CTNNA3: variants seen among roughly 807,000 people sequenced by gnomAD.
CTNNA3 encodes the protein catenin alpha 3, also known as catenin alpha-3.
A neutral mutation model predicts 95.7 loss-of-function variants in CTNNA3; 76 were observed. The observed-to-expected ratio is 0.79, with a 90% CI of 0.66 to 0.96. The LOEUF (loss-of-function observed/expected upper bound fraction) is 0.96, where lower values mean the gene tolerates loss of function less well. Ranked by LOEUF, CTNNA3 falls within the 40% of genes least tolerant of loss-of-function variation. The pLI, the probability that CTNNA3 is intolerant of heterozygous loss-of-function variation, is 0.00. For synonymous variants in CTNNA3, 431 were observed against 374.4 expected, an observed-to-expected ratio of 1.15 and a Z score of -1.74; for missense variants, 1,191 against 1,089.8, an observed-to-expected ratio of 1.09 and a Z score of -1.31.
chr10:67,727,161 A>G (rs1163224841), intron 1 of CTNNA3, among the ~76,000 whole-genome samples: 1 of 122,984 alleles, frequency 8.1e-6, no homozygotes, highest in Non-Finnish European at 1.6e-5. Flanking sequence ...ATAATTATAT[A>G]TAATATATGA....
intron 1 of CTNNA3, among the ~76,000 whole-genome samples, chr10:67,756,200 G>C (rs1184769795): frequency 1.3e-5 from 2 of 152,058 alleles, no homozygotes; most frequent in South Asian, 2.1e-4. Flanking sequence ...GTTGATTAAC[G>C]GGTACATATT....
At chr10:67,454,729 T>C (rs1159255184) in intron 5 of CTNNA3, among the ~76,000 whole-genome samples, 1 of 152,034 alleles carries the variant, frequency 6.6e-6, no homozygotes, top group Non-Finnish European at 1.5e-5. Context: ...GGAATCAATG[T>C]ATAAGAAAAT....
chr10:66,695,181 G>A (rs1847710851), intron 9 of CTNNA3, among the ~76,000 whole-genome samples: 1 of 152,112 alleles, frequency 6.6e-6, no homozygotes, highest in Non-Finnish European at 1.5e-5. Flanking sequence ...TAAATAGATT[G>A]CTATGTAAAG....
At chr10:67,204,899 A>T (rs1863822115) in intron 6 of CTNNA3, among the ~76,000 whole-genome samples, 1 of 152,318 alleles carries the variant, frequency 6.6e-6, no homozygotes, top group Non-Finnish European at 1.5e-5. Flanking sequence ...GACTGTCCTC[A>T]GAAATGTAAA....
intron 9 of CTNNA3, among the ~76,000 whole-genome samples, chr10:66,628,492 C>T (rs1267373321): frequency 6.6e-6 from 1 of 152,072 alleles, no homozygotes; most frequent in Non-Finnish European, 1.5e-5. Flanking sequence ...TCATTGGAAA[C>T]ATCAAGATTA....
intron 15 of CTNNA3, among the ~76,000 whole-genome samples, chr10:66,042,326 C>A (rs528832025): frequency 4.8e-4 from 73 of 152,146 alleles, no homozygotes; most frequent in African/African-American, 1.7e-3. Flanking sequence ...TGGGGAAGTT[C>A]TTGAAAGCAA....
At chr10:67,539,107 A>C (rs1840578911) in intron 4 of CTNNA3, among the ~76,000 whole-genome samples, 2 of 152,204 alleles carry the variant, frequency 1.3e-5, no homozygotes, top group South Asian at 4.1e-4. Context: ...TTCATTTACA[A>C]ACCAGGATAA....
At chr10:66,534,816 TTAAA>T (rs987150635) in intron 10 of CTNNA3, among the ~76,000 whole-genome samples, 1 of 151,610 alleles carries the variant, frequency 6.6e-6, no homozygotes, top group Non-Finnish European at 1.5e-5. Flanking sequence ...TATATTAAAA[TTAAA>T]TTATTTATTT....
At chr10:67,696,309 A>C (rs1840963462), upstream of CTNNA3, 1 of 152,218 alleles carries the variant, frequency 6.6e-6, no homozygotes, top group African/African-American at 2.4e-5. Flanking sequence ...TACTTTGCCT[A>C]GAGACCTACA....
At chr10:67,237,669 G>A (rs1324897709) in intron 5 of CTNNA3, among the ~76,000 whole-genome samples, 1 of 152,180 alleles carries the variant, frequency 6.6e-6, no homozygotes, top group Non-Finnish European at 1.5e-5. Flanking sequence ...GGCGAGGAAG[G>A]TGCAGGTCAC....
At chr10:67,243,790 A>G (rs1276724555) in intron 5 of CTNNA3, among the ~76,000 whole-genome samples, 1 of 152,158 alleles carries the variant, frequency 6.6e-6, no homozygotes, top group Non-Finnish European at 1.5e-5. Context: ...TCTATCACAC[A>G]CAGACTTCAC....
At chr10:66,949,015 A>C (rs536517641) in intron 7 of CTNNA3, among the ~76,000 whole-genome samples, 1 of 152,084 alleles carries the variant, frequency 6.6e-6, no homozygotes, top group Non-Finnish European at 1.5e-5. Context: ...TGATTAGGAG[A>C]CTCTGGAAAA....
At chr10:66,165,403 A>T (rs1274431286) in intron 13 of CTNNA3, among the ~76,000 whole-genome samples, 1 of 152,046 alleles carries the variant, frequency 6.6e-6, no homozygotes, top group Non-Finnish European at 1.5e-5. Context: ...CATCAATTTT[A>T]CTCTAAGTAA....
At chr10:65,986,746 T>C (rs1021635265) in intron 16 of CTNNA3, among the ~76,000 whole-genome samples, 1 of 150,960 alleles carries the variant, frequency 6.6e-6, no homozygotes, top group Non-Finnish European at 1.5e-5. Context: ...AGACCCTGAA[T>C]AGCCAAAGCA....
chr10:67,758,323 TACACACACACACAC>T (rs3059974), intron 1 of CTNNA3, among the ~76,000 whole-genome samples: 1 of 143,318 alleles, frequency 7.0e-6, no homozygotes, highest in East Asian at 2.0e-4. Context: ...TAAATATATA[TACACACACACACAC>T]ACACACACAC....
At chr10:66,999,413 A>G (rs1414778717) in intron 7 of CTNNA3, among the ~76,000 whole-genome samples, 1 of 152,176 alleles carries the variant, frequency 6.6e-6, no homozygotes, top group African/African-American at 2.4e-5. Context: ...TAAGCATCTA[A>G]TAATTAAATT....
intron 12 of CTNNA3, among the ~76,000 whole-genome samples, chr10:66,295,415 A>T (rs1200839540): frequency 6.6e-6 from 1 of 152,194 alleles, no homozygotes. Context: ...TCCTATCTAC[A>T]TTCAGAATGG....
At chr10:65,968,146 T>A (rs2078018761) in intron 16 of CTNNA3, among the ~76,000 whole-genome samples, 1 of 152,140 alleles carries the variant, frequency 6.6e-6, no homozygotes. Context: ...TCCCAGCAAT[T>A]TGGGAAGCTG....
At chr10:66,395,614 A>T (rs914790939) in intron 11 of CTNNA3, among the ~76,000 whole-genome samples, 31 of 151,998 alleles carry the variant, frequency 2.0e-4, no homozygotes, top group African/African-American at 6.8e-4. Context: ...AAAAGTCTGT[A>T]CTTATTATTT....
Sources: allele counts gnomAD v4.1 joint callset (sites outside exome capture counted in the v4.1 genomes callset), GRCh38; gene constraint gnomAD v4.1.1; transcripts MANE v1.5; gene names NCBI Gene and HGNC (gene_info 2026-07-23, HGNC 2026-07-21).